RAPGEF5: variants seen among roughly 807,000 people sequenced by gnomAD.
RAPGEF5 encodes the protein M-Ras-regulated GEF.
Under a neutral mutation model 125.2 loss-of-function variants are expected in RAPGEF5, and 65 were observed. That is an observed-to-expected ratio of 0.52 (90% confidence interval 0.43 to 0.64). The LOEUF (loss-of-function observed/expected upper bound fraction) is 0.64. Among genes scored for constraint, RAPGEF5 ranks in the 30% least tolerant of loss-of-function variants. The probability of loss-of-function intolerance (pLI) is 0.00; values close to 1 mark genes in which losing one functional copy is unlikely to be tolerated. For synonymous variants in RAPGEF5, 391 were observed against 385.9 expected (o/e 1.01, Z -0.16); for missense variants, 958 against 1,048.1 (o/e 0.91, Z 1.19).
Position 22,243,856 on chromosome 7 carries a change from G to T in RAPGEF5, c.797-12937C>A, listed in dbSNP as rs975535142. ...TTATTAACTATAGTCACCGTGCTGT[G>T]CAATCGATATGGAAAAGTTAGTCCT... On this transcript the variant is annotated intron_variant, in intron 7 of 25. Coordinates refer to ENST00000665637, the MANE Select transcript of RAPGEF5 (RefSeq NM_012294.5). Among the ~76,000 whole-genome samples, 7 of 152,098 alleles carry T rather than the reference G, an allele frequency of 4.6e-5. No homozygotes were observed. In the South Asian group the frequency reaches 1.5e-3, roughly 32 times the overall value.
At chr7:22,197,548 G>A (rs1280942612) in intron 9 of RAPGEF5, among the ~76,000 whole-genome samples, 1 of 152,142 alleles carries the variant, frequency 6.6e-6, no homozygotes, top group Non-Finnish European at 1.5e-5. Context: ...ATCCCACAAA[G>A]TTCACTTCAA....
intron 7 of RAPGEF5, among the ~76,000 whole-genome samples, chr7:22,239,205 T>C (rs930111974): frequency 6.6e-6 from 1 of 152,200 alleles, no homozygotes; most frequent in African/African-American, 2.4e-5. Context: ...GAGTGGTCAC[T>C]GGCAGCAATG....
chr7:22,274,253 T>G (rs1782506368), intron 6 of RAPGEF5, among the ~76,000 whole-genome samples: 1 of 152,208 alleles, frequency 6.6e-6, no homozygotes, highest in African/African-American at 2.4e-5. Context: ...TCCTGGGCCC[T>G]AGATCCCCAT....
chr7:22,303,998 A>T (rs1783273865), intron 5 of RAPGEF5, among the ~76,000 whole-genome samples: 1 of 152,246 alleles, frequency 6.6e-6, no homozygotes, highest in South Asian at 2.1e-4. Context: ...GGATAGGATC[A>T]TGCATGTGCA....
At chr7:22,175,457 G>A (rs1399150336) in intron 11 of RAPGEF5, among the ~76,000 whole-genome samples, 1 of 152,174 alleles carries the variant, frequency 6.6e-6, no homozygotes, top group Non-Finnish European at 1.5e-5. Flanking sequence ...AAGGAGCTGG[G>A]ATGAAAAATT....
chr7:22,139,913 T>C, intron 21 of RAPGEF5, 112 bp downstream of exon 21: 1 of 914,172 alleles, frequency 1.1e-6, no homozygotes, highest in Non-Finnish European at 1.7e-6. Flanking sequence ...CCTACCACCT[T>C]GACATATGAC....
intron 1 of RAPGEF5, among the ~76,000 whole-genome samples, chr7:22,351,346 C>T (rs1441534150): frequency 2.0e-5 from 3 of 152,178 alleles, no homozygotes; most frequent in Non-Finnish European, 2.9e-5. Flanking sequence ...TTATTAATGG[C>T]ATTTATTTAC....
intron 5 of RAPGEF5, among the ~76,000 whole-genome samples, chr7:22,302,566 C>T (rs995150571): frequency 1.3e-5 from 2 of 152,182 alleles, no homozygotes; most frequent in African/African-American, 4.8e-5. Context: ...AAAATGCCTA[C>T]TCTGACAGGA....
intron 23 of RAPGEF5, 78 bp downstream of exon 23, chr7:22,135,960 C>T (rs1176707243): frequency 8.6e-7 from 1 of 1,164,576 alleles, no homozygotes; most frequent in Non-Finnish European, 1.2e-6. Context: ...ATGAGAGTCC[C>T]TTTTTTGCCC....
chr7:22,326,374 T>G (rs1783814323), intron 1 of RAPGEF5, among the ~76,000 whole-genome samples: 2 of 152,204 alleles, frequency 1.3e-5, no homozygotes, highest in Admixed American at 1.3e-4. Flanking sequence ...AATAAAGTTT[T>G]ATTGGAACAC....
intron 1 of RAPGEF5, among the ~76,000 whole-genome samples, chr7:22,320,969 A>C (rs539244474): frequency 1.6e-4 from 25 of 152,340 alleles, no homozygotes; most frequent in Non-Finnish European, 3.4e-4. Context: ...GTAATCTCTC[A>C]TAAATATAAT....
At chr7:22,147,870 G>C (rs1783493643) in intron 18 of RAPGEF5, among the ~76,000 whole-genome samples, 2 of 152,148 alleles carry the variant, frequency 1.3e-5, no homozygotes, top group Non-Finnish European at 2.9e-5. Flanking sequence ...GTAGGATAAA[G>C]GGAATATTCC....
chr7:22,336,699 C>G (rs1043169621), intron 1 of RAPGEF5, among the ~76,000 whole-genome samples: 1 of 152,160 alleles, frequency 6.6e-6, no homozygotes, highest in Non-Finnish European at 1.5e-5. Context: ...CTGGCCCCTC[C>G]TCTTCCTGGG....
intron 1 of RAPGEF5, among the ~76,000 whole-genome samples, chr7:22,340,372 G>A (rs1267325318): frequency 6.6e-6 from 1 of 152,172 alleles, no homozygotes; most frequent in East Asian, 1.9e-4. Context: ...TCATCCAAGG[G>A]GAAGTAAGGA....
chr7:22,177,844 C>T (rs1784555496), intron 11 of RAPGEF5, among the ~76,000 whole-genome samples: 1 of 151,938 alleles, frequency 6.6e-6, no homozygotes, highest in South Asian at 2.1e-4. Flanking sequence ...ACCCAAATAA[C>T]CCATCCGGTT....
rs535364100 is a variant in RAPGEF5 at position 22,356,060 on chromosome 7, G to T, written c.231+770C>A. 6.1e-6 allele frequency: 6 copies of T among 985,386 alleles called. No individual in the cohort carries two copies. In the Admixed American group the frequency reaches 1.8e-4, roughly 30 times the overall value. The allele number at this position is 985,386 out of a possible 1,614,324, so 61.0% of individuals were successfully genotyped here. ...CTGAGGCCCTGGCGGGGCCTCCTAG[G>T]TGGCTTCTTAAAGATCCCAGGAGAC... On this transcript the variant is annotated intron_variant, in intron 1 of 25. Coordinates refer to ENST00000665637, the MANE Select transcript of RAPGEF5 (RefSeq NM_012294.5).
At chr7:22,301,539 C>T (rs546920589) in intron 5 of RAPGEF5, among the ~76,000 whole-genome samples, 15 of 148,078 alleles carry the variant, frequency 1.0e-4, no homozygotes, top group East Asian at 4.0e-4. Context: ...GGCGTGAACC[C>T]GGGAGGCGGA....
rs138044587 is a variant in RAPGEF5 at position 22,146,402 on chromosome 7, C to T, written c.2007+495G>A. On this transcript the variant is annotated intron_variant, in intron 19 of 25. Transcript: ENST00000665637. ...TTATAATCTGTCCTCAAGTGAAAAA[C>T]TGATGGACATAAAAACTTGAAATAT... Among the ~76,000 whole-genome samples, 732 of 152,292 alleles carry T rather than the reference C, an allele frequency of 4.8e-3. 7 individuals carry two copies. The highest frequency in any genetic ancestry group is 0.017 in the African/African-American group (704 of 41,554).
chr7:22,197,087 C>T (rs760697047), intron 9 of RAPGEF5, among the ~76,000 whole-genome samples: 11 of 151,968 alleles, frequency 7.2e-5, no homozygotes, highest in Non-Finnish European at 1.3e-4. Flanking sequence ...GCCAGGAGAG[C>T]GCTGTATCAG....
Sources: gnomAD v4.1 joint callset for allele counts (sites outside exome capture counted in the v4.1 genomes callset) on GRCh38, gnomAD v4.1.1 for gene constraint, MANE v1.5 for transcripts, NCBI Gene and HGNC (gene_info 2026-07-23, HGNC 2026-07-21) for gene names.